VAMP3: variants seen among roughly 807,000 people sequenced by gnomAD.
The protein encoded by VAMP3 is vesicle-associated membrane protein 3.
VAMP3 carries 11 observed loss-of-function variants against 18.1 expected under a neutral mutation model. The observed-to-expected ratio is 0.61, with a 90% confidence interval of 0.38 to 1.00. The LOEUF is 1.00. Ranked by LOEUF, VAMP3 falls within the 50% of genes least tolerant of loss-of-function variation. The probability of loss-of-function intolerance (pLI) is 0.01; values close to 1 mark genes in which losing one functional copy is unlikely to be tolerated. For synonymous variants in VAMP3, 49 were observed against 43.1 expected, an observed-to-expected ratio of 1.14 and a Z score of -0.53; for missense variants, 122 against 127.3, an observed-to-expected ratio of 0.96 and a Z score of 0.20.
chr1:7,777,894 C>G (rs1046269668), intron 3 of VAMP3, among the ~76,000 whole-genome samples: 1 of 152,162 alleles, frequency 6.6e-6, no homozygotes, highest in Non-Finnish European at 1.5e-5. Context: ...AAACAAATGC[C>G]TAGCTAGAGG....
chr1:7,777,198 G>A lies in VAMP3; in HGVS notation c.111G>A (p.Leu37=). 6.2e-7 allele frequency: 1 copy of A among 1,613,764 alleles called. No individual in the cohort carries two copies. The highest frequency in any genetic ancestry group is 8.5e-7 in the Non-Finnish European group (1 of 1,179,888). ...TGCGAGTTAACGTGGACAAGGTTCTGGAAAGAGACCAGAAGCTCTCTGAGT... is the reference window on the plus strand; with the variant it reads ...TGCGAGTTAACGTGGACAAGGTTCTAGAAAGAGACCAGAAGCTCTCTGAGT... ...DIMRVNVDKV[L]ERDQKLSELD... is the part of the protein sequence containing the mutation. Residue 37 remains leucine (L), a synonymous_variant, in exon 3 of 5, where the codon CTG becomes CTA. Transcript: ENST00000054666.
At chr1:7,776,808 G>A in intron 2 of VAMP3, 1 of 124,962 alleles carries the variant, frequency 8.0e-6, no homozygotes. Context: ...TGAAGTCTCT[G>A]TGCCTCCATT....
intron 3 of VAMP3, 38 bp downstream of exon 3, chr1:7,777,356 C>T (rs993533430): frequency 6.3e-7 from 1 of 1,579,120 alleles, no homozygotes; most frequent in African/African-American, 1.4e-5. Flanking sequence ...TTTAACCCCC[C>T]TTCTCCATTC....
chr1:7,777,842 C>T lies in VAMP3; in HGVS notation c.232-276C>T, dbSNP rs559086344. 2.0e-5 allele frequency among the ~76,000 whole-genome samples: 3 copies of T among 152,306 alleles called. No individual in the cohort carries two copies. The East Asian group carries it at 5.8e-4, about 29-fold the overall frequency. ...ACAAGTGACACTTTGAGACACAGGG[C>T]AAGCTGAGCAGCCTTTCCATATGTG... On this transcript the variant is annotated intron_variant, in intron 3 of 4. Transcript: ENST00000054666.
At chr1:7,771,437 C>A in intron 1 of VAMP3, 52 bp downstream of exon 1, 1 of 1,502,784 alleles carries the variant, frequency 6.7e-7, no homozygotes, top group Non-Finnish European at 8.8e-7. Flanking sequence ...GGCGGCAGCT[C>A]GCGCTGGGAC....
At chr1:7,778,918 G>A (rs553241792) in intron 4 of VAMP3, among the ~76,000 whole-genome samples, 18 of 152,156 alleles carry the variant, frequency 1.2e-4, no homozygotes, top group Non-Finnish European at 1.9e-4. Flanking sequence ...AAAATTGGCC[G>A]GGCTTGGTGG....
At position 7,778,157 on chromosome 1, in the gene VAMP3, A is replaced by G. The variant is rs1366397887; in HGVS notation, c.271A>G (p.Ile91Val). ...IGITVLVIFI[I>V]IIIVWVVSS ...GATTACTGTTCTGGTTATCTTCATCATCATCATCATCGGTGAGTTACCCTT... is the reference window on the plus strand; with the variant it reads ...GATTACTGTTCTGGTTATCTTCATCGTCATCATCATCGGTGAGTTACCCTT... Residue 91 changes from isoleucine to valine, a missense_variant, in exon 4 of 5, where the codon ATC (isoleucine) becomes GTC (valine). Physicochemically the swap from Ile to Val is conservative, Grantham distance 29 (BLOSUM62 3). Coordinates refer to ENST00000054666, the MANE Select transcript of VAMP3 (RefSeq NM_004781.4). The G allele has an allele frequency of 2.5e-6, 4 of 1,614,172 alleles. No individual in the cohort carries two copies. The highest frequency in any genetic ancestry group is 2.5e-6 in the Non-Finnish European group (3 of 1,180,012).
intron 1 of VAMP3, among the ~76,000 whole-genome samples, chr1:7,771,657 C>T (rs1405613344): frequency 1.3e-5 from 2 of 152,230 alleles, no homozygotes; most frequent in Admixed American, 1.3e-4. Context: ...CCGCAGCCCG[C>T]TCCTCGCCCC....
At position 7,777,228 on chromosome 1, in the gene VAMP3, C is replaced by T. The variant is rs199685566; in HGVS notation, c.141C>T (p.Asp47=). ...LERDQKLSEL[D]DRADALQAGA... ...GAGACCAGAAGCTCTCTGAGTTAGA[C>T]GACCGTGCAGACGCACTGCAGGCAG... Residue 47 remains aspartate, a synonymous_variant, in exon 3 of 5, where the codon GAC becomes GAT. Transcript: ENST00000054666. 19 of 1,613,726 alleles carry T rather than the reference C, an allele frequency of 1.2e-5. No homozygotes were observed. Among genetic ancestry groups the T allele is most frequent in the Admixed American group, 8.3e-5 (5 of 59,968 alleles).
chr1:7,780,431 CTTG>C lies in VAMP3; in HGVS notation c.*788_*790del, dbSNP rs2097056532. The stretch of plus-strand genomic sequence containing the variant: ...GCCCCTTCAGAATTAAAATCATTAC[CTTG>C]TGTGTGAACCTTCTACATCTTCATA... On this transcript the variant is annotated 3_prime_UTR_variant, in exon 5 of 5. Transcript: ENST00000054666. 1 of 152,774 alleles carries C rather than the reference CTTG, an allele frequency of 6.5e-6. No individual in the cohort carries two copies. The highest frequency in any genetic ancestry group is 2.4e-5 in the African/African-American group (1 of 41,446). 9.5% of individuals were successfully genotyped at this position (152,774 alleles called of 1,614,324 possible).
At position 7,779,898 on chromosome 1, in the gene VAMP3, A is replaced by G. The variant is rs1041121127; in HGVS notation, c.*253A>G. 1.9e-4 allele frequency: 96 copies of G among 510,438 alleles called. No homozygotes were observed. In the Admixed American group the frequency reaches 2.9e-3, roughly 16 times the overall value. The allele number at this position is 510,438 out of a possible 1,614,324, so 31.6% of individuals were successfully genotyped here. ...TGATGAAGAGGCCTTCTTAAGTTCC[A>G]GAGTGCTATAATCTAGATGTAATGT... is the stretch of plus-strand genomic sequence containing the variant. On this transcript the variant is annotated 3_prime_UTR_variant, in exon 5 of 5. Transcript: ENST00000054666.
In VAMP3 at chr1:7,773,461, G is replaced by A; in HGVS notation, c.22G>A (p.Ala8Thr). Residue 8 changes from alanine to threonine, a missense_variant, in exon 2 of 5, where the codon GCC (alanine) becomes ACC (threonine). Transcript: ENST00000054666. ...TTCCAGGTCTACAGGTCCAACTGCTGCCACTGGCAGTAATCGAAGACTTCA... is the reference window on the plus strand; with the variant it reads ...TTCCAGGTCTACAGGTCCAACTGCTACCACTGGCAGTAATCGAAGACTTCA... MSTGPTA[A>T]TGSNRRLQQT... The A allele has an allele frequency of 1.2e-6, 2 of 1,614,112 alleles. No individual in the cohort carries two copies. The highest frequency in any genetic ancestry group is 1.7e-6 in the Non-Finnish European group (2 of 1,179,996).
intron 2 of VAMP3, among the ~76,000 whole-genome samples, chr1:7,776,026 A>G (rs1261004092): frequency 6.6e-6 from 1 of 152,166 alleles, no homozygotes; most frequent in South Asian, 2.1e-4. Context: ...CCATCAGTCT[A>G]TATGTTTGTC....
At chr1:7,777,765 C>T (rs1309394113) in intron 3 of VAMP3, among the ~76,000 whole-genome samples, 1 of 152,202 alleles carries the variant, frequency 6.6e-6, no homozygotes, top group African/African-American at 2.4e-5. Context: ...AGATTTTATA[C>T]AGTTAGCGTG....
chr1:7,777,037 C>G, intron 2 of VAMP3, 123 bp from the exon 3 acceptor site: 1 of 1,160,196 alleles, frequency 8.6e-7, no homozygotes. Flanking sequence ...TCTCGAACTC[C>G]TGACCACAGG....
rs954382527 is a variant in VAMP3, at chr1:7,780,556, C to G, written c.*911C>G. 13 of 152,352 alleles carry G rather than the reference C, an allele frequency of 8.5e-5. No homozygotes were observed. The highest frequency in any genetic ancestry group is 3.1e-4 in the African/African-American group (13 of 41,452). The allele number at this position is 152,352 out of a possible 1,614,324, so 9.4% of individuals were successfully genotyped here. On this transcript the variant is annotated 3_prime_UTR_variant, in exon 5 of 5. Transcript: ENST00000054666. ...AGAGAAGGTTTGAGGTAGACTCTGA[C>G]CGTCTCATAAAAGAGTTCTACCCAG... is the stretch of plus-strand genomic sequence containing the variant.
At chr1:7,779,542 C>G in intron 4 of VAMP3, 84 bp from the exon 5 acceptor site, 2 of 1,580,738 alleles carry the variant, frequency 1.3e-6, no homozygotes, top group Non-Finnish European at 1.7e-6. Flanking sequence ...ATTTAGACTG[C>G]AGCATTGGAT....
At chr1:7,772,007 C>T (rs1381301818) in intron 1 of VAMP3, among the ~76,000 whole-genome samples, 1 of 152,190 alleles carries the variant, frequency 6.6e-6, no homozygotes, top group African/African-American at 2.4e-5. Flanking sequence ...GAGGAAGCCC[C>T]GGGTTTCTTC....
chr1:7,779,481 A>C, intron 4 of VAMP3, 145 bp from the exon 5 acceptor site: 1 of 1,108,238 alleles, frequency 9.0e-7, no homozygotes, highest in Admixed American at 2.1e-5. Flanking sequence ...CCCTCTATAG[A>C]ATGGAGAGAA....
Sources: allele counts gnomAD v4.1 joint callset (sites outside exome capture counted in the v4.1 genomes callset), GRCh38; gene constraint gnomAD v4.1.1; transcripts MANE v1.5; gene names NCBI Gene and HGNC (gene_info 2026-07-23, HGNC 2026-07-21).